The following PRR16 variants were observed in gnomAD, a reference collection of about 807,000 sequenced individuals.
PRR16 encodes the protein proline rich 16.
In PRR16, 6 loss-of-function variants were observed where a neutral mutation model predicts 18.2. The ratio of observed to expected loss-of-function variants is 0.33; its 90% CI spans 0.18 to 0.65. PRR16 has a LOEUF of 0.65. Ranked by LOEUF, PRR16 falls within the 30% of genes least tolerant of loss-of-function variation. The pLI is 0.74. For synonymous variants in PRR16, 151 were observed against 147.8 expected, an observed-to-expected ratio of 1.02 and a Z score of -0.16; for missense variants, 412 against 376.6, an observed-to-expected ratio of 1.09 and a Z score of -0.78.
intron 1 of PRR16, among the ~76,000 whole-genome samples, chr5:120,618,895 T>G (rs1217685887): frequency 6.6e-6 from 1 of 152,088 alleles, no homozygotes; most frequent in Non-Finnish European, 1.5e-5. Context: ...GACGTTCACC[T>G]GACCTAAAGG....
intron 1 of PRR16, among the ~76,000 whole-genome samples, chr5:120,606,695 G>C (rs945172768): frequency 2.0e-5 from 3 of 152,094 alleles, no homozygotes; most frequent in African/African-American, 7.2e-5. Context: ...TTGAGACCAG[G>C]AGTTAGAGTC....
rs372319700 is a variant in PRR16 at position 120,509,469 on chromosome 5, G to A, written c.159+44824G>A. Among the ~76,000 whole-genome samples the A allele has an allele frequency of 8.5e-4, 130 of 152,128 alleles. 1 individual carries two copies. The highest frequency in any genetic ancestry group is 3.4e-3 in the Middle Eastern group (1 of 294). ...ATGTCTGCTTGGTTGCTGAGGTTCT[G>A]TTTTTCTCAGAGTGAGGCGTAAATA... On this transcript the variant is annotated intron_variant, in intron 1 of 1. Coordinates refer to ENST00000407149, the MANE Select transcript of PRR16 (RefSeq NM_001300783.2).
intron 1 of PRR16, among the ~76,000 whole-genome samples, chr5:120,550,564 A>T (rs984023542): frequency 3.9e-5 from 6 of 152,004 alleles, no homozygotes; most frequent in African/African-American, 9.7e-5. Context: ...ATGCAGTAAA[A>T]GGGTGTTTGA....
At chr5:120,670,043 C>A (rs973948515) in intron 1 of PRR16, among the ~76,000 whole-genome samples, 1 of 151,964 alleles carries the variant, frequency 6.6e-6, no homozygotes, top group Admixed American at 6.6e-5. Context: ...TATGTAATGT[C>A]TTTGATGCAC....
chr5:120,512,525 T>C, intron 1 of PRR16, among the ~76,000 whole-genome samples: 1 of 152,184 alleles, frequency 6.6e-6, no homozygotes, highest in Non-Finnish European at 1.5e-5. Flanking sequence ...CGGTGGTTTC[T>C]GGCGGCATAG....
At chr5:120,481,356 C>A (rs1749607353) in intron 1 of PRR16, 1 of 362,830 alleles carries the variant, frequency 2.8e-6, no homozygotes, top group Non-Finnish European at 5.6e-6. Context: ...GTCTTGAACT[C>A]TTGAGCTCAG....
intron 1 of PRR16, among the ~76,000 whole-genome samples, chr5:120,650,193 G>C (rs1755729623): frequency 6.6e-6 from 1 of 150,450 alleles, no homozygotes; most frequent in Non-Finnish European, 1.5e-5. Flanking sequence ...CTCCAGCCTG[G>C]TGACAGAACA....
At chr5:120,749,310 T>A in the PRR16 span, among the ~76,000 whole-genome samples, 1 of 152,102 alleles carries the variant, frequency 6.6e-6, no homozygotes, top group Admixed American at 6.6e-5. Context: ...AGCACAAAAT[T>A]TAACTTGAAA....
chr5:120,588,639 TA>T (rs1645637488), intron 1 of PRR16, among the ~76,000 whole-genome samples: 1 of 152,194 alleles, frequency 6.6e-6, no homozygotes, highest in African/African-American at 2.4e-5. Flanking sequence ...AGTTGATTTT[TA>T]TATGCAGTGG....
chr5:120,542,743 C>G (rs1254710573), intron 1 of PRR16, among the ~76,000 whole-genome samples: 1 of 152,104 alleles, frequency 6.6e-6, no homozygotes, highest in Non-Finnish European at 1.5e-5. Flanking sequence ...GCAGTGTCAT[C>G]CCCTTGCAGT....
At position 120,521,246 on chromosome 5, in the gene PRR16, GT is replaced by G. The variant is rs569579802; in HGVS notation, c.159+56610del. On this transcript the variant is annotated intron_variant, in intron 1 of 1. Coordinates refer to ENST00000407149, the MANE Select transcript of PRR16 (RefSeq NM_001300783.2). ...GATGAGTCCTTTATTTTTTGTGTGT[GT>G]TTTTTTTTAATGTATGTTATGGTCT... Among the ~76,000 whole-genome samples the G allele has an allele frequency of 6.7e-3, 1,014 of 151,874 alleles. 10 individuals are homozygous for G. Among genetic ancestry groups the G allele is most frequent in the African/African-American group, 0.024 (982 of 41,330 alleles).
chr5:120,698,724 G>C, the PRR16 span, among the ~76,000 whole-genome samples: 1 of 152,266 alleles, frequency 6.6e-6, no homozygotes, highest in East Asian at 1.9e-4. Context: ...TGAATTCTGA[G>C]ATGCGAAAGT....
At chr5:120,764,691 A>T in the PRR16 span, among the ~76,000 whole-genome samples, 1 of 152,050 alleles carries the variant, frequency 6.6e-6, no homozygotes, top group Non-Finnish European at 1.5e-5. Flanking sequence ...AAAGAAGTCA[A>T]AGAAGTGTAT....
rs1406139531 is a variant in PRR16 at position 120,566,541 on chromosome 5, T to C, written c.159+101896T>C. 2.6e-5 allele frequency among the ~76,000 whole-genome samples: 4 copies of C among 152,206 alleles called. No individual in the cohort carries two copies. In the East Asian group the frequency reaches 7.7e-4, roughly 29 times the overall value. ...TTGGTCCCACAACTCTTTAGTACTA[T>C]GTTGTTTGCTGAGGTGCTATTGGCT... On this transcript the variant is annotated intron_variant, in intron 1 of 1. Transcript: ENST00000407149.
intron 1 of PRR16, among the ~76,000 whole-genome samples, chr5:120,624,558 T>G (rs1441401711): frequency 1.3e-5 from 2 of 152,290 alleles, no homozygotes; most frequent in Admixed American, 1.3e-4. Context: ...TTACTAGCTG[T>G]GTGACACTGA....
intron 1 of PRR16, among the ~76,000 whole-genome samples, chr5:120,598,107 G>T (rs1580770068): frequency 6.6e-6 from 1 of 151,664 alleles, no homozygotes. Context: ...TTTTTTGTTA[G>T]TTTATGTATA....
At chr5:120,499,282 T>C (rs995487096) in intron 1 of PRR16, among the ~76,000 whole-genome samples, 2 of 152,064 alleles carry the variant, frequency 1.3e-5, no homozygotes, top group Admixed American at 1.3e-4. Flanking sequence ...GCTAATTTTT[T>C]GTATTTTTAG....
chr5:120,646,074 A>ATATATC (rs1475860368), intron 1 of PRR16, among the ~76,000 whole-genome samples: 1 of 136,350 alleles, frequency 7.3e-6, no homozygotes, highest in African/African-American at 2.7e-5. Flanking sequence ...ATATATATAT[A>ATATATC]TCATAGTTTC....
intron 1 of PRR16, among the ~76,000 whole-genome samples, chr5:120,538,945 T>C (rs1449984117): frequency 1.3e-5 from 2 of 151,814 alleles, no homozygotes; most frequent in African/African-American, 2.4e-5. Context: ...TGTGAAAAAA[T>C]GAGTGAAGTA....
Sources: gnomAD v4.1 joint callset for allele counts (sites outside exome capture counted in the v4.1 genomes callset) on GRCh38, gnomAD v4.1.1 for gene constraint, MANE v1.5 for transcripts, NCBI Gene and HGNC (gene_info 2026-07-23, HGNC 2026-07-21) for gene names.